Variants in STK32C observed in about 807,000 individuals in gnomAD.
The protein encoded by STK32C is serine/threonine-protein kinase 32C.
A neutral mutation model predicts 56.5 loss-of-function variants in STK32C; 31 were observed. That is an observed-to-expected ratio of 0.55 (90% CI 0.41 to 0.74). STK32C has a LOEUF of 0.74. STK32C is among the 30% of genes least tolerant of loss of function. The pLI is 0.00. For synonymous variants in STK32C, 309 were observed against 289.4 expected (o/e 1.07, Z -0.69); for missense variants, 544 against 676.9 (o/e 0.80, Z 2.18).
At chr10:132,215,241 T>C (rs1308801599) in intron 10 of STK32C, among the ~76,000 whole-genome samples, 2 of 152,176 alleles carry the variant, frequency 1.3e-5, no homozygotes, top group Non-Finnish European at 2.9e-5. Context: ...CTCAAACTCC[T>C]GGACTCAAGC....
At chr10:132,279,293 T>C (rs1228056851) in intron 1 of STK32C, among the ~76,000 whole-genome samples, 3 of 152,152 alleles carry the variant, frequency 2.0e-5, no homozygotes, top group African/African-American at 2.4e-5. Context: ...GTTACGGCCA[T>C]AACACGGACT....
At chr10:132,312,563 T>C (rs2138431291), upstream of STK32C, among the ~76,000 whole-genome samples, 1 of 152,060 alleles carries the variant, frequency 6.6e-6, no homozygotes, top group East Asian at 1.9e-4. Flanking sequence ...TAAGAAGGAA[T>C]AAAAAGAGTC....
At chr10:132,242,757 A>C (rs1329070020) in intron 2 of STK32C, among the ~76,000 whole-genome samples, 1 of 152,080 alleles carries the variant, frequency 6.6e-6, no homozygotes, top group African/African-American at 2.4e-5. Flanking sequence ...ACGTAACACT[A>C]ATAATAAATT....
At chr10:132,228,933 A>G (rs1173280284) in intron 2 of STK32C, among the ~76,000 whole-genome samples, 1 of 152,250 alleles carries the variant, frequency 6.6e-6, no homozygotes, top group Non-Finnish European at 1.5e-5. Context: ...CAGTCCCCAC[A>G]TAGCTCTTCA....
In STK32C at chr10:132,281,835, T is replaced by C. The variant is rs74161767; in HGVS notation, c.262+25737A>G. ...AGAAGCCCGGGTGGGAGATCAGACA[T>C]GGTGCTGAGGCCGCGGGGCAACTTC... On this transcript the variant is annotated intron_variant, in intron 1 of 11. Transcript: ENST00000298630. 9.3e-3 allele frequency among the ~76,000 whole-genome samples: 1,421 copies of C among 152,290 alleles called. 26 individuals are homozygous for C. Among genetic ancestry groups the C allele is most frequent in the African/African-American group, 0.032 (1,328 of 41,570 alleles).
rs188680324 is a variant in STK32C, at chr10:132,247,209, G to A, written c.263-1254C>T. 3.5e-4 allele frequency among the ~76,000 whole-genome samples: 54 copies of A among 152,342 alleles called. 1 individual carries two copies. Among genetic ancestry groups the A allele is most frequent in the African/African-American group, 8.9e-4 (37 of 41,578 alleles). On this transcript the variant is annotated intron_variant, in intron 1 of 11. Coordinates refer to ENST00000298630, the MANE Select transcript of STK32C (RefSeq NM_173575.4). Reference sequence around the variant, plus strand: ...CTGCTCCCTGGCGGTACCCTGTGCCGTCTGGTGGGGCAAGTGCTTTAGGCA... The same window carrying A: ...CTGCTCCCTGGCGGTACCCTGTGCCATCTGGTGGGGCAAGTGCTTTAGGCA...
chr10:132,301,796 C>T (rs185211302), intron 1 of STK32C, among the ~76,000 whole-genome samples: 145 of 152,318 alleles, frequency 9.5e-4, no homozygotes, highest in East Asian at 3.9e-3. Context: ...AAGTCCACAC[C>T]GCGAGGCGCC....
At chr10:132,330,328 G>T in intron 1 of STK32C, 1 of 658,758 alleles carries the variant, frequency 1.5e-6, no homozygotes, top group Non-Finnish European at 2.9e-6. Context: ...AGAGATACTG[G>T]AATGCTGAAA....
At chr10:132,233,941 G>A (rs986420329) in intron 2 of STK32C, among the ~76,000 whole-genome samples, 1 of 152,222 alleles carries the variant, frequency 6.6e-6, no homozygotes, top group East Asian at 1.9e-4. Flanking sequence ...AGAGCAGATG[G>A]GCTGGGGCGC....
intron 1 of STK32C, among the ~76,000 whole-genome samples, chr10:132,247,153 C>T (rs2063722259): frequency 6.6e-6 from 1 of 152,208 alleles, no homozygotes; most frequent in South Asian, 2.1e-4. Context: ...CTGACCCCTC[C>T]TGGGAGGCAC....
rs1266326196 is a variant in STK32C, at chr10:132,229,743, C to T, written c.319-1615G>A. On this transcript the variant is annotated intron_variant, in intron 2 of 11. Coordinates refer to ENST00000298630, the MANE Select transcript of STK32C (RefSeq NM_173575.4). ...GACTCAGTCCTTTTGTGAAGCAAAG[C>T]GGTGACCCTCCCTCCCGCAAGGGGC... Among the ~76,000 whole-genome samples, 6 of 152,204 alleles carry T rather than the reference C, an allele frequency of 3.9e-5. No individual in the cohort carries two copies. In the South Asian group the frequency reaches 6.2e-4, roughly 16 times the overall value.
At chr10:132,259,940 G>C (rs2138058717) in intron 1 of STK32C, among the ~76,000 whole-genome samples, 1 of 152,304 alleles carries the variant, frequency 6.6e-6, no homozygotes, top group South Asian at 2.1e-4. Flanking sequence ...CGCAGGGCAG[G>C]GGTTGTTGCC....
Position 132,209,504 on chromosome 10 carries a change from C to A in STK32C, c.1252-403G>T, listed in dbSNP as rs1430075596. 3.1e-5 allele frequency: 11 copies of A among 354,508 alleles called. No homozygotes were observed. In the East Asian group the frequency reaches 7.9e-4, roughly 25 times the overall value. The allele number at this position is 354,508 out of a possible 1,614,324, so 22.0% of individuals were successfully genotyped here. A position where few individuals can be genotyped will look rare whatever the true frequency, so the allele number is the denominator to read the frequency against. ...ACCTGTCCCAGGCCTGCTTCTGGGG[C>A]CCTGCCCAGAGAATCCTGGAACCAG... On this transcript the variant is annotated intron_variant, in intron 10 of 11. Coordinates refer to ENST00000298630, the MANE Select transcript of STK32C (RefSeq NM_173575.4).
intron 2 of STK32C, 119 bp from the exon 3 acceptor site, chr10:132,228,247 G>GGCTGC: frequency 7.5e-7 from 1 of 1,334,662 alleles, no homozygotes; most frequent in Non-Finnish European, 1.1e-6. Flanking sequence ...GGACACCTGG[G>GGCTGC]GACGCGCCGC....
chr10:132,298,788 A>G (rs1175289568), intron 1 of STK32C, among the ~76,000 whole-genome samples: 2 of 152,150 alleles, frequency 1.3e-5, no homozygotes. Flanking sequence ...CAGGAGCCAC[A>G]TGGGGAAGCT....
intron 2 of STK32C, among the ~76,000 whole-genome samples, chr10:132,236,372 G>A (rs1032786246): frequency 2.6e-5 from 4 of 152,240 alleles, no homozygotes; most frequent in Admixed American, 6.5e-5. Flanking sequence ...GGGGTGACCC[G>A]ATGGGGTGGC....
At chr10:132,222,498 G>A in intron 10 of STK32C, 143 bp downstream of exon 10, 2 of 1,086,028 alleles carry the variant, frequency 1.8e-6, no homozygotes, top group Admixed American at 5.5e-5. Context: ...GGAGGTCTCT[G>A]GCCTTCTCAG....
At chr10:132,331,500 C>G (rs1177828984) in exon 1 of STK32C, 1 of 1,612,896 alleles carries the variant, frequency 6.2e-7, no homozygotes, top group Non-Finnish European at 8.5e-7. Context: ...AGAGGACGCT[C>G]TGAGTCTGCG....
At chr10:132,213,447 C>T (rs2062377470) in intron 10 of STK32C, among the ~76,000 whole-genome samples, 2 of 152,358 alleles carry the variant, frequency 1.3e-5, no homozygotes, top group South Asian at 4.1e-4. Flanking sequence ...AGCCCAAGGG[C>T]AACCCGGGAA....
Sources: gnomAD v4.1 joint callset for allele counts (sites outside exome capture counted in the v4.1 genomes callset) on GRCh38, gnomAD v4.1.1 for gene constraint, MANE v1.5 for transcripts, NCBI Gene and HGNC (gene_info 2026-07-23, HGNC 2026-07-21) for gene names.